The following C11orf65 variants were observed in gnomAD, a reference collection of about 807,000 sequenced individuals.
The protein encoded by C11orf65 is chromosome 11 open reading frame 65, also known as protein MFI.
In C11orf65, 38 loss-of-function variants were observed where a neutral mutation model predicts 35.3. That is an observed-to-expected ratio of 1.08 (90% CI 0.83 to 1.41). The LOEUF is 1.41. Among genes scored for constraint, C11orf65 ranks in the 40% most tolerant of loss-of-function variants. The pLI is 0.00. For synonymous variants in C11orf65, 105 were observed against 114.4 expected (o/e 0.92, Z 0.53); for missense variants, 370 against 367.1 (o/e 1.01, Z -0.06).
chr11:108,430,188 G>C (rs1195703817), intron 3 of C11orf65, among the ~76,000 whole-genome samples: 1 of 147,852 alleles, frequency 6.8e-6, no homozygotes, highest in Non-Finnish European at 1.5e-5. Flanking sequence ...GAGTGCAGTG[G>C]TGTGATCTCT....
At chr11:108,451,509 C>T (rs374695531) in intron 2 of C11orf65, among the ~76,000 whole-genome samples, 5 of 151,800 alleles carry the variant, frequency 3.3e-5, no homozygotes, top group South Asian at 2.1e-4. Context: ...TAAAAGAGGA[C>T]ACAAACAAAT....
chr11:108,329,919 A>T (rs78320042), downstream of C11orf65, among the ~76,000 whole-genome samples: 316 of 152,320 alleles, frequency 2.1e-3, 1 homozygote, highest in African/African-American at 7.1e-3. Flanking sequence ...TTTTGATGTA[A>T]TTAAATCCCT....
Position 108,416,379 on chromosome 11 carries a change from CAA to C in C11orf65, c.175-9232_175-9231del, listed in dbSNP as rs2092731901. On this transcript the variant is annotated intron_variant, in intron 3 of 8. Coordinates refer to ENST00000393084, the MANE Select transcript of C11orf65 (RefSeq NM_152587.5). ...AACGTTGTATGTCATTAAGGAATTA[CAA>C]ATTAAAACAACAATGAGGGCCCGGG... 5.9e-5 allele frequency among the ~76,000 whole-genome samples: 9 copies of C among 152,140 alleles called. No individual in the cohort carries two copies. In the South Asian group the frequency reaches 1.9e-3, roughly 32 times the overall value.
At chr11:108,356,147 G>T (rs759565044) in intron 2 of C11orf65, 6 of 152,178 alleles carry the variant, frequency 3.9e-5, no homozygotes, top group Non-Finnish European at 8.8e-5. Flanking sequence ...TAAGCATGAT[G>T]TGTAACATTT....
chr11:108,446,887 C>A (rs61913885), intron 2 of C11orf65, among the ~76,000 whole-genome samples: 1 of 151,010 alleles, frequency 6.6e-6, no homozygotes, highest in African/African-American at 2.4e-5. Context: ...TCAGGAAACC[C>A]ATCTCATGTG....
intron 7 of C11orf65, among the ~76,000 whole-genome samples, chr11:108,387,365 G>A (rs1331494304): frequency 2.0e-5 from 3 of 151,608 alleles, no homozygotes; most frequent in Non-Finnish European, 4.4e-5. Flanking sequence ...ATGTTGGCCA[G>A]GCTGGTCTCG....
At chr11:108,466,233 G>A (rs539436293) in intron 1 of C11orf65, among the ~76,000 whole-genome samples, 37 of 152,186 alleles carry the variant, frequency 2.4e-4, no homozygotes, top group African/African-American at 8.4e-4. Flanking sequence ...TGATGCTCCA[G>A]ATAAAATAAC....
chr11:108,327,325 A>T, downstream of C11orf65: 2 of 311,088 alleles, frequency 6.4e-6, no homozygotes, highest in Non-Finnish European at 1.2e-5. Context: ...GGGTAATAAT[A>T]GTACTTATTT....
At chr11:108,424,218 G>A (rs138928791) in intron 3 of C11orf65, among the ~76,000 whole-genome samples, 13 of 152,250 alleles carry the variant, frequency 8.5e-5, no homozygotes, top group Non-Finnish European at 1.9e-4. Context: ...TAAATGACCT[G>A]ATGGAGCTGA....
intron 6 of C11orf65, among the ~76,000 whole-genome samples, chr11:108,312,749 A>G (rs1010808447): frequency 2.0e-5 from 3 of 152,214 alleles, no homozygotes; most frequent in African/African-American, 7.2e-5. Context: ...CTCAGAGTTT[A>G]TGCCATGCAT....
chr11:108,440,911 C>G (rs538145597), intron 2 of C11orf65, among the ~76,000 whole-genome samples: 1 of 152,122 alleles, frequency 6.6e-6, no homozygotes, highest in Admixed American at 6.5e-5. Flanking sequence ...GCATGAGCAA[C>G]GCAGAAGACA....
Position 108,331,967 on chromosome 11 carries a change from C to G in C11orf65, c.300-400G>C, listed in dbSNP as rs1565534068. On this transcript the variant is annotated intron_variant, in intron 3 of 3. Coordinates refer to the C11orf65 transcript ENST00000524755. ...AATGCAAACAGAGATGAATTTCTGA[C>G]TAAACCAGAGGTAGCCAGAAGAAGC... The G allele has an allele frequency of 6.2e-7, 1 of 1,614,036 alleles. No homozygotes were observed. Among genetic ancestry groups the G allele is most frequent in the Admixed American group, 1.7e-5 (1 of 60,014 alleles).
intron 5 of C11orf65, among the ~76,000 whole-genome samples, chr11:108,406,330 G>A (rs1050754697): frequency 6.6e-6 from 1 of 152,066 alleles, no homozygotes; most frequent in Non-Finnish European, 1.5e-5. Flanking sequence ...TGTTGTTGTT[G>A]TTAGTTTGTT....
intron 6 of C11orf65, among the ~76,000 whole-genome samples, chr11:108,394,126 G>A (rs2092245391): frequency 7.0e-6 from 1 of 142,124 alleles, no homozygotes; most frequent in African/African-American, 2.6e-5. Context: ...GTTGCAGCGA[G>A]CCGAGATCAT....
At chr11:108,374,225 C>T (rs562110913) in intron 2 of C11orf65, among the ~76,000 whole-genome samples, 3 of 152,320 alleles carry the variant, frequency 2.0e-5, no homozygotes, top group East Asian at 1.9e-4. Context: ...GCAGCCTAAC[C>T]GGGAGGCACC....
chr11:108,437,110 A>AAAGGG (rs35610227), intron 2 of C11orf65, among the ~76,000 whole-genome samples: 7 of 101,902 alleles, frequency 6.9e-5, no homozygotes, highest in South Asian at 3.8e-4. Context: ...AAAAAAAAAA[A>AAAGGG]GGGGGGGGGT....
intron 6 of C11orf65, among the ~76,000 whole-genome samples, chr11:108,309,975 T>C (rs1467871434): frequency 6.6e-6 from 1 of 152,188 alleles, no homozygotes; most frequent in Non-Finnish European, 1.5e-5. Context: ...AAAAGATTAA[T>C]TAAATAGGAC....
chr11:108,331,287 A>G, downstream of C11orf65: 1 of 1,389,890 alleles, frequency 7.2e-7, no homozygotes. Context: ...AGACCTTCAG[A>G]TAAGAAAAGA....
intron 2 of C11orf65, among the ~76,000 whole-genome samples, chr11:108,444,671 C>A (rs2093220840): frequency 6.6e-6 from 1 of 152,154 alleles, no homozygotes; most frequent in South Asian, 2.1e-4. Context: ...CAGCTCCCAG[C>A]ATGAGCGACG....
Sources: gnomAD v4.1 joint callset for allele counts (sites outside exome capture counted in the v4.1 genomes callset) on GRCh38, gnomAD v4.1.1 for gene constraint, MANE v1.5 for transcripts, NCBI Gene and HGNC (gene_info 2026-07-23, HGNC 2026-07-21) for gene names.